Variants in PAK1 observed in about 807,000 individuals in gnomAD.
PAK1 encodes serine/threonine-protein kinase PAK 1.
PAK1 carries 29 observed loss-of-function variants against 67.4 expected under a neutral mutation model. That is an observed-to-expected ratio of 0.43 (90% CI 0.32 to 0.59). The LOEUF is 0.59. PAK1 is among the 20% of genes least tolerant of loss of function. The pLI, the probability that PAK1 is intolerant of heterozygous loss-of-function variation, is 0.07. For missense variants in PAK1, 337 were observed against 670.7 expected (o/e 0.50, Z 5.50); for synonymous variants, 223 against 237.4 (o/e 0.94, Z 0.56).
intron 14 of PAK1, among the ~76,000 whole-genome samples, chr11:77,327,017 T>C (rs1399953095): frequency 1.3e-5 from 2 of 152,052 alleles, no homozygotes; most frequent in Non-Finnish European, 2.9e-5. Flanking sequence ...TGCGATCAAC[T>C]GGAAGAAAGG....
At chr11:77,474,202 T>TC (rs200545041), upstream of PAK1, 37,995 of 146,966 alleles carry the variant, frequency 0.26, 5,946 homozygotes, top group South Asian at 0.47. Flanking sequence ...CCTCCCCCAC[T>TC]CCCCCTCCCC....
rs545878549 is a variant in PAK1 at position 77,468,982 on chromosome 11, A to T, written c.-22+4570T>A. ...TTGAACAAAATAACATCCAGGAAAG[A>T]TGTTATTTTTCCTGTATGAATGATA... On this transcript the variant is annotated intron_variant, in intron 1 of 14. Transcript: ENST00000356341. 1.5e-4 allele frequency among the ~76,000 whole-genome samples: 23 copies of T among 152,290 alleles called. No individual in the cohort carries two copies. The South Asian group carries it at 2.5e-3, about 16-fold the overall frequency.
intron 1 of PAK1, among the ~76,000 whole-genome samples, chr11:77,439,953 C>G (rs1288380904): frequency 6.6e-6 from 1 of 152,112 alleles, no homozygotes; most frequent in Non-Finnish European, 1.5e-5. Context: ...AAGTTAGAAA[C>G]CTAGTATGGA....
intron 5 of PAK1, among the ~76,000 whole-genome samples, chr11:77,372,817 T>C (rs1054610063): frequency 6.6e-6 from 1 of 152,216 alleles, no homozygotes; most frequent in Non-Finnish European, 1.5e-5. Flanking sequence ...AATACCCGCA[T>C]TTCCCCTTAA....
At chr11:77,453,926 C>CA (rs991049042) in intron 1 of PAK1, among the ~76,000 whole-genome samples, 3 of 151,994 alleles carry the variant, frequency 2.0e-5, no homozygotes, top group East Asian at 1.9e-4. Context: ...CAAAAAAATA[C>CA]AAAAAAATTA....
chr11:77,443,986 A>G (rs1426860441), intron 1 of PAK1, among the ~76,000 whole-genome samples: 4 of 152,186 alleles, frequency 2.6e-5, no homozygotes, highest in Non-Finnish European at 2.9e-5. Flanking sequence ...TTGTCACAGC[A>G]ACACTGGAGA....
At chr11:77,504,128 A>G in the PAK1 span, among the ~76,000 whole-genome samples, 1 of 152,180 alleles carries the variant, frequency 6.6e-6, no homozygotes, top group Non-Finnish European at 1.5e-5. Flanking sequence ...CCTGACCTCA[A>G]GTGATCTGCC....
intron 11 of PAK1, among the ~76,000 whole-genome samples, chr11:77,339,546 A>C (rs1943257315): frequency 6.6e-6 from 1 of 152,132 alleles, no homozygotes; most frequent in African/African-American, 2.4e-5. Flanking sequence ...TCCATTAATT[A>C]ATTCCAATTA....
At chr11:77,433,913 GA>G (rs1337350268) in intron 1 of PAK1, among the ~76,000 whole-genome samples, 2 of 152,138 alleles carry the variant, frequency 1.3e-5, no homozygotes, top group Non-Finnish European at 2.9e-5. Flanking sequence ...AGTCTTTAAG[GA>G]AATTCAAATC....
the PAK1 span, among the ~76,000 whole-genome samples, chr11:77,508,367 C>T: frequency 2.0e-5 from 3 of 152,138 alleles, no homozygotes; most frequent in Admixed American, 6.6e-5. Flanking sequence ...CCCATTTTTA[C>T]GTGATTTGGT....
intron 1 of PAK1, among the ~76,000 whole-genome samples, chr11:77,466,819 A>T (rs1303399197): frequency 6.6e-6 from 1 of 152,142 alleles, no homozygotes; most frequent in East Asian, 1.9e-4. Flanking sequence ...AATCATAAGA[A>T]CCTGGCTTCA....
In PAK1 at chr11:77,452,915, A is replaced by T. The variant is rs185091876; in HGVS notation, c.-22+20637T>A. Among the ~76,000 whole-genome samples the T allele has an allele frequency of 7.2e-5, 11 of 152,328 alleles. No individual in the cohort carries two copies. The East Asian group carries it at 2.1e-3, about 29-fold the overall frequency. ...GCACATCAGCCCTGCCTCACAGCAA[A>T]TCAGGCTTATGACTTTAACTAAATC... On this transcript the variant is annotated intron_variant, in intron 1 of 14. Transcript: ENST00000356341.
the PAK1 span, among the ~76,000 whole-genome samples, chr11:77,490,796 C>T: frequency 1.3e-5 from 2 of 152,170 alleles, no homozygotes; most frequent in Non-Finnish European, 2.9e-5. Flanking sequence ...AAAAATTCTT[C>T]GGCCTTGGGA....
intron 1 of PAK1, among the ~76,000 whole-genome samples, chr11:77,405,004 C>T (rs1565674714): frequency 6.6e-6 from 1 of 152,156 alleles, no homozygotes; most frequent in Non-Finnish European, 1.5e-5. Flanking sequence ...ATGCATGGGG[C>T]ATGGTACATA....
chr11:77,373,222 G>A (rs1439622280), intron 5 of PAK1, among the ~76,000 whole-genome samples: 1 of 152,118 alleles, frequency 6.6e-6, no homozygotes, highest in South Asian at 2.1e-4. Flanking sequence ...CTATGTACAA[G>A]AGACAACATC....
chr11:77,370,116 T>C (rs1392260302), intron 5 of PAK1, among the ~76,000 whole-genome samples: 3 of 152,192 alleles, frequency 2.0e-5, no homozygotes, highest in African/African-American at 7.2e-5. Flanking sequence ...GAGTTATAGA[T>C]AGATGGTTAT....
At chr11:77,376,111 T>C (rs994569774) in intron 4 of PAK1, among the ~76,000 whole-genome samples, 1 of 152,210 alleles carries the variant, frequency 6.6e-6, no homozygotes, top group African/African-American at 2.4e-5. Flanking sequence ...ACACTATGCC[T>C]TCACTGCACT....
chr11:77,475,326 A>C (rs1592613210), upstream of PAK1: 1 of 152,196 alleles, frequency 6.6e-6, no homozygotes, highest in African/African-American at 2.4e-5. Context: ...CACCACCTGA[A>C]CAACTGGAGC....
chr11:77,448,534 C>CA (rs1013435802), intron 1 of PAK1, among the ~76,000 whole-genome samples: 12 of 152,150 alleles, frequency 7.9e-5, no homozygotes, highest in African/African-American at 2.7e-4. Context: ...CTGCCTGGCA[C>CA]AGGAGGACAA....
Sources: allele counts gnomAD v4.1 joint callset (sites outside exome capture counted in the v4.1 genomes callset), GRCh38; gene constraint gnomAD v4.1.1; transcripts MANE v1.5; gene names NCBI Gene and HGNC (gene_info 2026-07-23, HGNC 2026-07-21).